The following SLA variants were observed in gnomAD, a reference collection of about 807,000 sequenced individuals.
SLA encodes the protein src-like-adapter.
A neutral mutation model predicts 30.3 loss-of-function variants in SLA; 16 were observed. The observed-to-expected ratio is 0.53, with a 90% confidence interval of 0.36 to 0.80. SLA has a LOEUF of 0.80. Ranked by LOEUF, SLA falls within the 30% of genes least tolerant of loss-of-function variation. SLA has a pLI of 0.01. For missense variants in SLA, 310 were observed against 345.2 expected, an observed-to-expected ratio of 0.90 and a Z score of 0.81; for synonymous variants, 143 against 137.8, an observed-to-expected ratio of 1.04 and a Z score of -0.26.
At chr8:133,065,365 A>G (rs1761639706) in intron 2 of SLA, among the ~76,000 whole-genome samples, 1 of 152,236 alleles carries the variant, frequency 6.6e-6, no homozygotes, top group South Asian at 2.1e-4. Context: ...GCCTGGCTCT[A>G]AAACCTGTGC....
chr8:133,047,237 T>C (rs1419418543), intron 6 of SLA: 1 of 152,362 alleles, frequency 6.6e-6, no homozygotes, highest in Admixed American at 6.5e-5. Flanking sequence ...TTAATGCATA[T>C]GATGCAAGGA....
chr8:133,054,424 G>C (rs1296203999), intron 3 of SLA, among the ~76,000 whole-genome samples: 1 of 152,172 alleles, frequency 6.6e-6, no homozygotes, highest in Non-Finnish European at 1.5e-5. Flanking sequence ...ATGCGATTTG[G>C]GGGGAGATTT....
chr8:133,085,782 A>G (rs1299828033), intron 1 of SLA, among the ~76,000 whole-genome samples: 1 of 152,250 alleles, frequency 6.6e-6, no homozygotes, highest in East Asian at 1.9e-4. Flanking sequence ...AATATAAAAT[A>G]ATGCGGCCAC....
Position 133,038,356 on chromosome 8 carries a change from T to C in SLA, c.*168A>G. 1 of 620,660 alleles carries C rather than the reference T, an allele frequency of 1.6e-6. No homozygotes were observed. Among genetic ancestry groups the C allele is most frequent in the Non-Finnish European group, 2.9e-6 (1 of 348,832 alleles). The allele number at this position is 620,660 out of a possible 1,614,324, so 38.4% of individuals were successfully genotyped here. ...AGACACCAGGGAGGGGTTCCTTTGG[T>C]CATGATGTGGATAGAGAAGATGCGA... On this transcript the variant is annotated 3_prime_UTR_variant, in exon 9 of 9. Coordinates refer to ENST00000338087, the MANE Select transcript of SLA (RefSeq NM_001045556.3).
At chr8:133,073,533 T>C (rs1844396024) in intron 2 of SLA, among the ~76,000 whole-genome samples, 1 of 152,172 alleles carries the variant, frequency 6.6e-6, no homozygotes, top group African/African-American at 2.4e-5. Flanking sequence ...AGCTAATTTT[T>C]GTATTAAATA....
At chr8:133,091,799 T>A (rs1298240824) in intron 1 of SLA, among the ~76,000 whole-genome samples, 1 of 152,040 alleles carries the variant, frequency 6.6e-6, no homozygotes, top group East Asian at 1.9e-4. Context: ...TAAGTGTGGG[T>A]CTCCCTGTGT....
chr8:133,091,746 ATTTC>A (rs1847578992), intron 1 of SLA, among the ~76,000 whole-genome samples: 1 of 150,392 alleles, frequency 6.6e-6, no homozygotes, highest in Non-Finnish European at 1.5e-5. Context: ...GTGGGTGTAT[ATTTC>A]TTTCTGTAGC....
At position 133,046,875 on chromosome 8, in the gene SLA, C is replaced by G. The variant is rs373118835; in HGVS notation, c.352+955G>C. Among the ~76,000 whole-genome samples, 9 of 152,312 alleles carry G rather than the reference C, an allele frequency of 5.9e-5. 1 individual carries two copies. Among genetic ancestry groups the G allele is most frequent in the African/African-American group, 1.9e-4 (8 of 41,566 alleles). On this transcript the variant is annotated intron_variant, in intron 6 of 8. Transcript: ENST00000338087. Reference sequence around the variant, plus strand: ...CTGATGCTCATTTTGGTGAAGGGCTCTAGCACCAGGTGGCTTTGGCACTTA... The same window carrying G: ...CTGATGCTCATTTTGGTGAAGGGCTGTAGCACCAGGTGGCTTTGGCACTTA...
At chr8:133,100,738 G>A (rs1384244518) in intron 1 of SLA, among the ~76,000 whole-genome samples, 1 of 152,164 alleles carries the variant, frequency 6.6e-6, no homozygotes, top group East Asian at 1.9e-4. Flanking sequence ...GCTGGGTACT[G>A]AAATGTACAC....
At chr8:133,055,365 GCACACACACA>G (rs869172140) in intron 3 of SLA, among the ~76,000 whole-genome samples, 16 of 62,276 alleles carry the variant, frequency 2.6e-4, no homozygotes, top group African/African-American at 1.3e-3. Context: ...ACGCACGCGC[GCACACACACA>G]CACACACACA....
intron 7 of SLA, among the ~76,000 whole-genome samples, chr8:133,043,898 C>G (rs903984869): frequency 6.6e-6 from 1 of 152,216 alleles, no homozygotes; most frequent in Non-Finnish European, 1.5e-5. Context: ...TTTCTTTCCT[C>G]CCTCCAATAT....
chr8:133,049,115 C>T, intron 5 of SLA: 1 of 455,036 alleles, frequency 2.2e-6, no homozygotes. Context: ...GGAAGGAAGC[C>T]AAGATTTGTG....
In SLA at chr8:133,038,623, G is replaced by A; in HGVS notation, c.732C>T (p.Asn244=). Residue 244 remains asparagine (N), a synonymous_variant, in exon 9 of 9, where the codon AAC becomes AAT. Coordinates refer to ENST00000338087, the MANE Select transcript of SLA (RefSeq NM_001045556.3). ...ASYLSLTSED[N]TSFDRKKKSI... ...TTTTCTTCTTTCGATCAAAGGAGGTGTTGTCCTCACTGGTCAGGGACAGGT... is the reference window on the plus strand; with the variant it reads ...TTTTCTTCTTTCGATCAAAGGAGGTATTGTCCTCACTGGTCAGGGACAGGT... The A allele has an allele frequency of 6.2e-7, 1 of 1,613,920 alleles. No individual in the cohort carries two copies. Among genetic ancestry groups the A allele is most frequent in the South Asian group, 1.1e-5 (1 of 91,076 alleles).
chr8:133,041,807 TA>T (rs1451395045), intron 7 of SLA, among the ~76,000 whole-genome samples: 1 of 142,106 alleles, frequency 7.0e-6, no homozygotes, highest in Non-Finnish European at 1.5e-5. Context: ...TTTTTTTTTT[TA>T]GACGGAGTCT....
At chr8:133,047,081 T>C (rs748071765) in intron 6 of SLA, 2 of 152,226 alleles carry the variant, frequency 1.3e-5, no homozygotes, top group East Asian at 1.9e-4. Flanking sequence ...TCTCCTACTG[T>C]AAATCTCATG....
chr8:133,061,299 A>G (rs1415254183), intron 2 of SLA, among the ~76,000 whole-genome samples: 1 of 152,200 alleles, frequency 6.6e-6, no homozygotes, highest in African/African-American at 2.4e-5. Flanking sequence ...ATAAGCCTCC[A>G]TGCCTGGCCA....
chr8:133,043,936 T>G (rs1838802065), intron 7 of SLA, among the ~76,000 whole-genome samples: 4 of 152,202 alleles, frequency 2.6e-5, no homozygotes, highest in Admixed American at 2.6e-4. Context: ...GATGGCAATG[T>G]TCCGCTGGGT....
rs191248881 is a variant in SLA at position 133,055,876 on chromosome 8, G to A, written c.61+4224C>T. ...GCAGCAGCAGCAGCAGCAGCAGGGC[G>A]CACAGCTCTGGGGGGAATCAGGCAC... On this transcript the variant is annotated intron_variant, in intron 3 of 8. Coordinates refer to ENST00000338087, the MANE Select transcript of SLA (RefSeq NM_001045556.3). 2.0e-3 allele frequency among the ~76,000 whole-genome samples: 306 copies of A among 151,156 alleles called. 1 individual carries two copies. The highest frequency in any genetic ancestry group is 7.2e-3 in the African/African-American group (294 of 41,102).
chr8:133,067,034 A>T (rs1398787094), intron 2 of SLA, among the ~76,000 whole-genome samples: 1 of 152,186 alleles, frequency 6.6e-6, no homozygotes, highest in African/African-American at 2.4e-5. Context: ...CAGTACCGGC[A>T]CAATTGACTA....
Sources: gnomAD v4.1 joint callset for allele counts (sites outside exome capture counted in the v4.1 genomes callset) on GRCh38, gnomAD v4.1.1 for gene constraint, MANE v1.5 for transcripts, NCBI Gene and HGNC (gene_info 2026-07-23, HGNC 2026-07-21) for gene names.